TAFA2: variants seen among roughly 807,000 people sequenced by gnomAD.
TAFA2 encodes chemokine-like protein TAFA-2.
In TAFA2, 7 loss-of-function variants were observed where a neutral mutation model predicts 18.8. That is an observed-to-expected ratio of 0.37 (90% confidence interval 0.21 to 0.70). The LOEUF (loss-of-function observed/expected upper bound fraction) is 0.70, where lower values mean the gene tolerates loss of function less well. TAFA2 is among the 30% of genes least tolerant of loss of function. TAFA2 has a pLI of 0.53. For synonymous variants in TAFA2, 60 were observed against 54.2 expected (o/e 1.11, Z -0.47); for missense variants, 122 against 158.1 (o/e 0.77, Z 1.23).
At chr12:62,058,620 T>A (rs891869512) in intron 1 of TAFA2, among the ~76,000 whole-genome samples, 26 of 147,472 alleles carry the variant, frequency 1.8e-4, no homozygotes, top group African/African-American at 6.4e-4. Context: ...TTTTCTCACC[T>A]CCCCCCTTTT....
intron 2 of TAFA2, among the ~76,000 whole-genome samples, chr12:61,835,422 A>G (rs1231567898): frequency 6.6e-6 from 1 of 151,988 alleles, no homozygotes; most frequent in Non-Finnish European, 1.5e-5. Flanking sequence ...GGTTTGCTAC[A>G]TGAGTATATT....
At chr12:61,916,959 C>T (rs924480318) in intron 1 of TAFA2, among the ~76,000 whole-genome samples, 3 of 152,180 alleles carry the variant, frequency 2.0e-5, no homozygotes, top group African/African-American at 4.8e-5. Context: ...TAAGTTCACT[C>T]ACATCATTGT....
intron 1 of TAFA2, among the ~76,000 whole-genome samples, chr12:62,190,185 G>A (rs1389032069): frequency 6.6e-6 from 1 of 151,950 alleles, no homozygotes; most frequent in African/African-American, 2.4e-5. Context: ...TTTAACACTC[G>A]GTCAGGACGT....
intron 1 of TAFA2, among the ~76,000 whole-genome samples, chr12:62,157,097 C>G (rs906428532): frequency 6.6e-6 from 1 of 151,868 alleles, no homozygotes; most frequent in Non-Finnish European, 1.5e-5. Context: ...AATTAAAATG[C>G]CTGAAGCACA....
At chr12:61,872,862 T>TTC (rs36106779) in intron 1 of TAFA2, among the ~76,000 whole-genome samples, 79,821 of 150,366 alleles carry the variant, frequency 0.53, 22,380 homozygotes, top group Non-Finnish European at 0.65. Flanking sequence ...ACCCTGCAGT[T>TTC]TCTCTCTCTC....
intron 1 of TAFA2, among the ~76,000 whole-genome samples, chr12:62,112,387 T>C (rs2136867322): frequency 6.6e-6 from 1 of 152,338 alleles, no homozygotes; most frequent in South Asian, 2.1e-4. Context: ...CCTTTGTGGG[T>C]AACCCGACCT....
chr12:61,924,456 T>C (rs747375928), intron 1 of TAFA2, among the ~76,000 whole-genome samples: 3 of 152,164 alleles, frequency 2.0e-5, no homozygotes, highest in Non-Finnish European at 4.4e-5. Context: ...AAGAAAAGAA[T>C]TTTCAACACA....
At chr12:61,710,909 A>G (rs1592336638) in intron 4 of TAFA2, among the ~76,000 whole-genome samples, 2 of 151,128 alleles carry the variant, frequency 1.3e-5, no homozygotes, top group Admixed American at 1.3e-4. Context: ...GGTTTATTTG[A>G]GTCAATTATA....
At chr12:62,031,932 C>A (rs1394378400) in intron 1 of TAFA2, among the ~76,000 whole-genome samples, 1 of 152,082 alleles carries the variant, frequency 6.6e-6, no homozygotes, top group African/African-American at 2.4e-5. Context: ...GAAAATTTAG[C>A]TAGTATATTA....
At chr12:61,914,049 A>T (rs752597322) in intron 1 of TAFA2, among the ~76,000 whole-genome samples, 1 of 152,110 alleles carries the variant, frequency 6.6e-6, no homozygotes, top group Admixed American at 6.6e-5. Context: ...ACCCCAATTG[A>T]CCTAACCCAG....
chr12:62,189,291 C>T (rs1361298087), intron 1 of TAFA2, among the ~76,000 whole-genome samples: 1 of 152,138 alleles, frequency 6.6e-6, no homozygotes, highest in African/African-American at 2.4e-5. Context: ...GTGACATCAA[C>T]CTCACGGACT....
intron 2 of TAFA2, among the ~76,000 whole-genome samples, chr12:61,822,926 T>C (rs1478558980): frequency 3.3e-5 from 5 of 152,158 alleles, no homozygotes; most frequent in Non-Finnish European, 7.4e-5. Flanking sequence ...CTAGCCAAGG[T>C]TTATTTTAAA....
chr12:62,029,519 T>C (rs1475927432), intron 1 of TAFA2, among the ~76,000 whole-genome samples: 2 of 152,146 alleles, frequency 1.3e-5, no homozygotes, highest in Non-Finnish European at 2.9e-5. Flanking sequence ...CCATGTCCCA[T>C]GCCTGAGGAA....
rs939698098 is a variant in TAFA2, at chr12:62,100,537, G to T, written c.-2+90722C>A. Among the ~76,000 whole-genome samples the T allele has an allele frequency of 2.0e-5, 3 of 152,092 alleles. No homozygotes were observed. The East Asian group carries it at 5.8e-4, about 29-fold the overall frequency. On this transcript the variant is annotated intron_variant, in intron 1 of 4. Transcript: ENST00000416284. ...ATGATTTATGGACTAGATCATATTT[G>T]CAATCCCTTACCCACCTGTTAGATC... is the stretch of plus-strand genomic sequence containing the variant.
intron 2 of TAFA2, among the ~76,000 whole-genome samples, chr12:61,774,210 A>G (rs936810734): frequency 2.0e-5 from 3 of 151,972 alleles, no homozygotes; most frequent in Non-Finnish European, 4.4e-5. Context: ...AAAAGGGAAC[A>G]CTTTTACACT....
At chr12:62,008,541 A>G (rs561894404) in intron 1 of TAFA2, among the ~76,000 whole-genome samples, 1 of 152,302 alleles carries the variant, frequency 6.6e-6, no homozygotes, top group African/African-American at 2.4e-5. Flanking sequence ...TCATCGCACA[A>G]CATAACATCT....
At chr12:62,006,429 G>T (rs1880552951) in intron 1 of TAFA2, among the ~76,000 whole-genome samples, 1 of 152,030 alleles carries the variant, frequency 6.6e-6, no homozygotes, top group Admixed American at 6.6e-5. Context: ...GCCTACAAAT[G>T]ATTGATTTAG....
intron 1 of TAFA2, among the ~76,000 whole-genome samples, chr12:62,034,339 T>G (rs975858090): frequency 6.6e-6 from 1 of 152,140 alleles, no homozygotes; most frequent in African/African-American, 2.4e-5. Context: ...GAGTCAAATG[T>G]TTATTAGATT....
intron 1 of TAFA2, among the ~76,000 whole-genome samples, chr12:61,928,888 C>G (rs559870318): frequency 6.6e-6 from 1 of 152,146 alleles, no homozygotes; most frequent in South Asian, 2.1e-4. Context: ...AATCATCATT[C>G]TCAGCAAACT....
Sources: gnomAD v4.1 joint callset for allele counts (sites outside exome capture counted in the v4.1 genomes callset) on GRCh38, gnomAD v4.1.1 for gene constraint, MANE v1.5 for transcripts, NCBI Gene and HGNC (gene_info 2026-07-23, HGNC 2026-07-21) for gene names.